Variants in MID1 observed in about 807,000 individuals in gnomAD.
The protein encoded by MID1 is midline 1, also known as E3 ubiquitin-protein ligase Midline-1.
In MID1, 7 loss-of-function variants were observed where a neutral mutation model predicts 40.4. That is an observed-to-expected ratio of 0.17 (90% CI 0.10 to 0.33). The LOEUF is 0.33. Ranked by LOEUF, MID1 falls within the 10% of genes least tolerant of loss-of-function variation. The pLI, the probability that MID1 is intolerant of heterozygous loss-of-function variation, is 1.00. For synonymous variants in MID1, 229 were observed against 221.2 expected (o/e 1.04, Z -0.31); for missense variants, 367 against 558.5 (o/e 0.66, Z 3.46).
chrX:10,769,813 A>G (rs1020423492), intron 1 of MID1, among the ~76,000 whole-genome samples: 7 of 110,869 alleles, frequency 6.3e-5, no homozygotes, highest in Non-Finnish European at 1.3e-4. Context: ...AGTGACGACT[A>G]CTCTAGCATG....
intron 1 of MID1, among the ~76,000 whole-genome samples, chrX:10,737,892 A>G (rs1359043165): frequency 9.0e-6 from 1 of 111,320 alleles, no homozygotes; most frequent in African/African-American, 3.3e-5. Flanking sequence ...AAAAAGAGGA[A>G]GAGAGGTGCC....
intron 1 of MID1, among the ~76,000 whole-genome samples, chrX:10,800,566 C>T (rs181073868): frequency 8.9e-6 from 1 of 111,769 alleles, no homozygotes; most frequent in African/African-American, 3.2e-5. Flanking sequence ...TAAAAGGACC[C>T]CACAAAAAGG....
intron 1 of MID1, among the ~76,000 whole-genome samples, chrX:10,819,880 T>G (rs866160854): frequency 8.9e-6 from 1 of 112,080 alleles, no homozygotes; most frequent in Non-Finnish European, 1.9e-5. Flanking sequence ...TCAGTACGTA[T>G]AGGCATGTCT....
intron 1 of MID1, among the ~76,000 whole-genome samples, chrX:10,629,986 CA>C (rs1936034805): frequency 1.8e-5 from 2 of 112,041 alleles, no homozygotes; most frequent in Non-Finnish European, 3.8e-5. Context: ...CATATGCTAA[CA>C]AAGATGGTAT....
At chrX:10,525,014 T>C (rs906953544) in intron 2 of MID1, among the ~76,000 whole-genome samples, 1 of 111,791 alleles carries the variant, frequency 8.9e-6, no homozygotes, top group Non-Finnish European at 1.9e-5. Flanking sequence ...GGAAATTTCA[T>C]GGAAAAGAAA....
chrX:10,632,062 T>G (rs1247530408), intron 1 of MID1, among the ~76,000 whole-genome samples: 1 of 111,762 alleles, frequency 8.9e-6, no homozygotes, highest in Admixed American at 9.5e-5. Flanking sequence ...GCACCTTATT[T>G]CTTTCAATTA....
chrX:10,661,917 C>A (rs1249090942), intron 1 of MID1, among the ~76,000 whole-genome samples: 1 of 112,358 alleles, frequency 8.9e-6, no homozygotes, highest in Non-Finnish European at 1.9e-5. Flanking sequence ...CTGTTTCAGA[C>A]GCTCTTCTAG....
At chrX:10,572,970 G>T (rs1934778452) in intron 1 of MID1, among the ~76,000 whole-genome samples, 1 of 112,109 alleles carries the variant, frequency 8.9e-6, no homozygotes, top group South Asian at 3.7e-4. Flanking sequence ...ATCCATGGGT[G>T]AGTGTCCACA....
chrX:10,820,684 GTGCTGTGGCATTGTAT>G (rs1205430069), intron 1 of MID1, among the ~76,000 whole-genome samples: 1 of 111,628 alleles, frequency 9.0e-6, no homozygotes, highest in East Asian at 2.8e-4. Flanking sequence ...ACTAATGGAG[GTGCTGTGGCATTGTAT>G]CAAAGTAAAG....
At chrX:10,576,351 T>A (rs931324712) in intron 1 of MID1, among the ~76,000 whole-genome samples, 6 of 111,740 alleles carry the variant, frequency 5.4e-5, no homozygotes, top group African/African-American at 3.3e-5. Flanking sequence ...ACCTGATTAA[T>A]AATGAATGAA....
chrX:10,589,262 G>A lies in MID1; in HGVS notation c.-56-21659C>T, dbSNP rs111964480. Among the ~76,000 whole-genome samples the A allele has an allele frequency of 7.5e-3, 836 of 111,892 alleles. 12 individuals carry two copies. The highest frequency in any genetic ancestry group is 0.026 in the African/African-American group (791 of 30,745). Reference sequence around the variant, plus strand: ...ACCAAAGTGCCGGTACTGCCACACCGTGGGTGATCAGGCCATGCTTCCACT... The same window carrying A: ...ACCAAAGTGCCGGTACTGCCACACCATGGGTGATCAGGCCATGCTTCCACT... On this transcript the variant is annotated intron_variant, in intron 1 of 9. Transcript: ENST00000317552.
chrX:10,780,621 T>G (rs917589125), intron 1 of MID1, among the ~76,000 whole-genome samples: 1 of 111,553 alleles, frequency 9.0e-6, no homozygotes, highest in Non-Finnish European at 1.9e-5. Flanking sequence ...TTAAATAGAG[T>G]TGGGAAGAAG....
intron 1 of MID1, among the ~76,000 whole-genome samples, chrX:10,627,168 C>A (rs1936003615): frequency 1.8e-5 from 2 of 111,993 alleles, no homozygotes. Context: ...AAATCAATTT[C>A]TTGTCCTTAA....
intron 1 of MID1, among the ~76,000 whole-genome samples, chrX:10,778,714 A>G (rs754417929): frequency 9.5e-4 from 107 of 112,626 alleles, no homozygotes; most frequent in African/African-American, 3.4e-3. Context: ...AAAATGGAGG[A>G]AGGCACCAAG....
chrX:10,606,102 A>C lies in MID1; in HGVS notation c.-57+14188T>G, dbSNP rs187955463. On this transcript the variant is annotated intron_variant, in intron 1 of 9. Coordinates refer to ENST00000317552, the MANE Select transcript of MID1 (RefSeq NM_000381.4). ...GAATGAAAACTAAAACCGGAATTTA[A>C]ATTGCACAACTGATACAGGAATATT... is the stretch of plus-strand genomic sequence containing the variant. Among the ~76,000 whole-genome samples, 23 of 111,781 alleles carry C rather than the reference A, an allele frequency of 2.1e-4. No homozygotes were observed. The East Asian group carries it at 5.8e-3, about 28-fold the overall frequency.
intron 1 of MID1, among the ~76,000 whole-genome samples, chrX:10,751,920 C>A (rs2043601050): frequency 9.0e-6 from 1 of 111,492 alleles, no homozygotes; most frequent in Non-Finnish European, 1.9e-5. Flanking sequence ...TGACTCCTTG[C>A]TCAGTTAGTT....
intron 3 of MID1, among the ~76,000 whole-genome samples, chrX:10,507,802 T>C (rs1271347356): frequency 1.8e-5 from 2 of 112,550 alleles, no homozygotes; most frequent in African/African-American, 6.5e-5. Flanking sequence ...CAAAACCTAT[T>C]TATAAAACTG....
Position 10,447,366 on chromosome X carries a change from T to C in MID1, c.*2002A>G, listed in dbSNP as rs906649165. On this transcript the variant is annotated 3_prime_UTR_variant, in exon 10 of 10. Transcript: ENST00000317552. The stretch of plus-strand genomic sequence containing the variant: ...TATTGGTACCTGGAGACCGTGATTT[T>C]AAAAACTCAGAAGCTGAGTTTTAGA... 4.5e-5 allele frequency: 5 copies of C among 111,787 alleles called. No individual in the cohort carries two copies. Among genetic ancestry groups the C allele is most frequent in the African/African-American group, 1.6e-4 (5 of 30,768 alleles). 9.2% of individuals were successfully genotyped at this position (111,787 alleles called of 1,213,427 possible).
At chrX:10,462,230 C>T (rs1929086339) in intron 7 of MID1, among the ~76,000 whole-genome samples, 1 of 111,692 alleles carries the variant, frequency 9.0e-6, no homozygotes, top group Non-Finnish European at 1.9e-5. Context: ...TTAGGTTTAC[C>T]TTTATGTTAT....
Sources: gnomAD v4.1 joint callset for allele counts (sites outside exome capture counted in the v4.1 genomes callset) on GRCh38, gnomAD v4.1.1 for gene constraint, MANE v1.5 for transcripts, NCBI Gene and HGNC (gene_info 2026-07-23, HGNC 2026-07-21) for gene names.